Variants in KCNAB2 observed in about 807,000 individuals in gnomAD.
The protein encoded by KCNAB2 is potassium voltage-gated channel subfamily A regulatory beta subunit 2, also known as voltage-gated potassium channel subunit beta-2.
KCNAB2 carries 29 observed loss-of-function variants against 63.6 expected under a neutral mutation model. The observed-to-expected ratio is 0.46, with a 90% CI of 0.34 to 0.62. The LOEUF is 0.62. KCNAB2 is among the 20% of genes least tolerant of loss of function. The pLI is 0.01. For missense variants in KCNAB2, 359 were observed against 563.9 expected, an observed-to-expected ratio of 0.64 and a Z score of 3.68; for synonymous variants, 222 against 224.2, an observed-to-expected ratio of 0.99 and a Z score of 0.09.
intron 1 of KCNAB2, among the ~76,000 whole-genome samples, chr1:6,006,580 C>A (rs1193322579): frequency 0.063 from 310 of 4,886 alleles, 143 homozygotes; most frequent in African/African-American, 0.18. Flanking sequence ...TCCCACATCC[C>A]CCCACTTCAC....
chr1:6,045,742 A>G (rs764481347), upstream of KCNAB2, among the ~76,000 whole-genome samples: 4 of 152,156 alleles, frequency 2.6e-5, no homozygotes, highest in Non-Finnish European at 4.4e-5. This position sits in a 1 kb window ranked among gnomAD's most constrained non-coding sequence, Gnocchi z 4.8. Context: ...TCAGATACCA[A>G]AGAGCAAGGC....
chr1:6,041,886 A>T (rs758194432), upstream of KCNAB2: 2 of 1,613,336 alleles, frequency 1.2e-6, no homozygotes, highest in Admixed American at 3.3e-5. Flanking sequence ...ATGAGTCTTC[A>T]TTCTCCCTAA....
chr1:6,092,456 G>T (rs539700989), intron 10 of KCNAB2, among the ~76,000 whole-genome samples: 1 of 152,272 alleles, frequency 6.6e-6, no homozygotes, highest in Non-Finnish European at 1.5e-5. Flanking sequence ...GACAGCTGCC[G>T]GGGAGGGAGA....
intron 2 of KCNAB2, among the ~76,000 whole-genome samples, chr1:6,057,167 A>T (rs1661908850): frequency 6.6e-6 from 1 of 151,162 alleles, no homozygotes; most frequent in South Asian, 2.1e-4. Context: ...CTCTCTCTGC[A>T]GTCCAGATGT....
chr1:6,026,507 A>C (rs942067974), intron 1 of KCNAB2: 1 of 152,358 alleles, frequency 6.6e-6, no homozygotes, highest in African/African-American at 2.4e-5. Flanking sequence ...ACGGGTGGGC[A>C]GCCTCAGCTC....
chr1:6,036,413 GA>G (rs1277722829), intron 1 of KCNAB2, among the ~76,000 whole-genome samples: 1 of 152,192 alleles, frequency 6.6e-6, no homozygotes. Flanking sequence ...TGGGGCATGA[GA>G]ATCGCTTGAA....
intron 4 of KCNAB2, among the ~76,000 whole-genome samples, chr1:6,079,633 C>T (rs758507162): frequency 7.2e-5 from 11 of 152,248 alleles, no homozygotes; most frequent in Non-Finnish European, 1.2e-4. Flanking sequence ...AAAGGACACA[C>T]GGTGTGACTG....
chr1:6,077,348 G>A lies in KCNAB2; in HGVS notation c.300+3578G>A, dbSNP rs766622160. 3.3e-5 allele frequency among the ~76,000 whole-genome samples: 5 copies of A among 152,258 alleles called. No individual in the cohort carries two copies. In the South Asian group the frequency reaches 6.2e-4, roughly 19 times the overall value. The stretch of plus-strand genomic sequence containing the variant: ...GAGAAAGTACAGCAAAATCAGAGCC[G>A]TCAAAACATAAATAAATAAAATAGT... On this transcript the variant is annotated intron_variant, in intron 4 of 15. Coordinates refer to ENST00000378083, the MANE Select transcript of KCNAB2 (RefSeq NM_001199862.2).
chr1:6,014,310 G>A, intron 1 of KCNAB2, among the ~76,000 whole-genome samples: 1 of 152,176 alleles, frequency 6.6e-6, no homozygotes, highest in East Asian at 1.9e-4. Context: ...CCGCAAGAAT[G>A]AGGCCCACAT....
intron 1 of KCNAB2, among the ~76,000 whole-genome samples, chr1:6,012,728 G>A (rs1367801986): frequency 1.3e-5 from 2 of 151,232 alleles, no homozygotes; most frequent in Non-Finnish European, 3.0e-5. Context: ...AGGTCATGGT[G>A]GAGGTGATGG....
Position 6,062,476 on chromosome 1 carries a change from C to T in KCNAB2, c.219-10279C>T, listed in dbSNP as rs897942233. Among the ~76,000 whole-genome samples, 3 of 152,174 alleles carry T rather than the reference C, an allele frequency of 2.0e-5. No individual in the cohort carries two copies. The South Asian group carries it at 6.2e-4, about 32-fold the overall frequency. The stretch of plus-strand genomic sequence containing the variant: ...TCATAAGGAACATAAATTAGTCTTT[C>T]CTGGGTCCATTGATCCAATATTTAT... On this transcript the variant is annotated intron_variant, in intron 2 of 15. Transcript: ENST00000378083.
At chr1:6,053,255 T>C (rs1222383385) in intron 2 of KCNAB2, among the ~76,000 whole-genome samples, 1 of 152,106 alleles carries the variant, frequency 6.6e-6, no homozygotes, top group African/African-American at 2.4e-5. Context: ...GGTCATTGAT[T>C]CCTTTTGTTT....
chr1:6,096,447 C>A lies in KCNAB2; in HGVS notation c.949-189C>A. ...GGCCCCGCTCATCCACCAGCCCGTG[C>A]CCGGCCCACTGCCCACTCTCCCCTA... On this transcript the variant is annotated intron_variant, in intron 13 of 15. Transcript: ENST00000378083. The surrounding 1 kb of genome is among the most constrained non-coding windows in gnomAD (Gnocchi z 5.9). 1 of 737,832 alleles carries A rather than the reference C, an allele frequency of 1.4e-6. No homozygotes were observed. The highest frequency in any genetic ancestry group is 3.0e-5 in the Admixed American group (1 of 33,276). The allele number at this position is 737,832 out of a possible 1,614,324, so 45.7% of individuals were successfully genotyped here. A position where few individuals can be genotyped will look rare whatever the true frequency, so the allele number is the denominator to read the frequency against.
intron 1 of KCNAB2, among the ~76,000 whole-genome samples, chr1:6,038,397 C>A (rs987265372): frequency 1.3e-5 from 2 of 152,138 alleles, no homozygotes; most frequent in Admixed American, 1.3e-4. Context: ...CTCAAGCAAT[C>A]CTCCCACCTC....
rs577089348 is a variant in KCNAB2 at position 6,096,428 on chromosome 1, G to A, written c.949-208G>A. The A allele has an allele frequency of 2.7e-4, 172 of 644,152 alleles. No individual in the cohort carries two copies. The African/African-American group carries it at 2.8e-3, about 11-fold the overall frequency. The allele number at this position is 644,152 out of a possible 1,614,324, so 39.9% of individuals were successfully genotyped here. The stretch of plus-strand genomic sequence containing the variant: ...GCACTTCAGAGCCTGGACAGGCCCC[G>A]CTCATCCACCAGCCCGTGCCCGGCC... On this transcript the variant is annotated intron_variant, in intron 13 of 15. Coordinates refer to ENST00000378083, the MANE Select transcript of KCNAB2 (RefSeq NM_001199862.2). This position sits in a 1 kb window ranked among gnomAD's most constrained non-coding sequence, Gnocchi z 5.9.
Position 6,096,101 on chromosome 1 carries a change from G to A in KCNAB2, c.948+477G>A, listed in dbSNP as rs1665609913. 4.4e-6 allele frequency: 2 copies of A among 457,638 alleles called. No individual in the cohort carries two copies. Among genetic ancestry groups the A allele is most frequent in the African/African-American group, 2.0e-5 (1 of 50,086 alleles). The allele number at this position is 457,638 out of a possible 1,614,324, so 28.3% of individuals were successfully genotyped here. ...TGCAGGATCTGGAGAACAAGGAGCAGGCCAAGAAAGTCTGCCCAGCCAGCA... is the reference window on the plus strand; with the variant it reads ...TGCAGGATCTGGAGAACAAGGAGCAAGCCAAGAAAGTCTGCCCAGCCAGCA... On this transcript the variant is annotated intron_variant, in intron 13 of 15. Transcript: ENST00000378083. This position sits in a 1 kb window ranked among gnomAD's most constrained non-coding sequence, Gnocchi z 5.9.
At chr1:6,013,064 A>G (rs2102198) in intron 1 of KCNAB2, among the ~76,000 whole-genome samples, 4,331 of 152,122 alleles carry the variant, frequency 0.028, 220 homozygotes, top group African/African-American at 0.099. Flanking sequence ...CCATCGCTCC[A>G]CTTCCCACTG....
At position 6,100,025 on chromosome 1, in the gene KCNAB2, A is replaced by G; in HGVS notation, c.*1451A>G. ...CCCACCCCTCGCCAGCTAGCTCCAT[A>G]GGGAAGCCTGTGTCTCCTGCCCCCA... On this transcript the variant is annotated 3_prime_UTR_variant, in exon 16 of 16. Transcript: ENST00000378083. 1 of 1,527,280 alleles carries G rather than the reference A, an allele frequency of 6.5e-7. No homozygotes were observed. Among genetic ancestry groups the G allele is most frequent in the Non-Finnish European group, 8.8e-7 (1 of 1,135,020 alleles). 94.6% of individuals were successfully genotyped at this position (1,527,280 alleles called of 1,614,324 possible). A position where few individuals can be genotyped will look rare whatever the true frequency, so the allele number is the denominator to read the frequency against.
chr1:5,994,129 G>A lies in KCNAB2; in HGVS notation c.-53+1341G>A, dbSNP rs1656771386. 6.6e-6 allele frequency among the ~76,000 whole-genome samples: 1 copy of A among 152,200 alleles called. No homozygotes were observed. ...TCAGGCCACAGCTGTCCCACTGTCT[G>A]TCGTTTCAGGATTTTTTCTTTCTCT... On this transcript the variant is annotated intron_variant, in intron 1 of 16. Transcript: ENST00000341524. The surrounding 1 kb of genome is among the most constrained non-coding windows in gnomAD (Gnocchi z 5.4).
Sources: allele counts gnomAD v4.1 joint callset (sites outside exome capture counted in the v4.1 genomes callset), GRCh38; gene constraint gnomAD v4.1.1; non-coding constraint Gnocchi (gnomAD v3.1); transcripts MANE v1.5; gene names NCBI Gene and HGNC (gene_info 2026-07-23, HGNC 2026-07-21).